The following INTS9 variants were observed in gnomAD, a reference collection of about 807,000 sequenced individuals.
INTS9 encodes the protein integrator complex subunit 9.
A neutral mutation model predicts 79.7 loss-of-function variants in INTS9; 55 were observed. The observed-to-expected ratio is 0.69, with a 90% CI of 0.56 to 0.86. INTS9 has a LOEUF of 0.86. Among genes scored for constraint, INTS9 ranks in the 40% least tolerant of loss-of-function variants. The pLI, the probability that INTS9 is intolerant of heterozygous loss-of-function variation, is 0.00. For synonymous variants in INTS9, 319 were observed against 325.2 expected (o/e 0.98, Z 0.20); for missense variants, 721 against 831.5 (o/e 0.87, Z 1.64).
At chr8:28,769,322 C>G (rs1251094378) in intron 16 of INTS9, among the ~76,000 whole-genome samples, 2 of 152,232 alleles carry the variant, frequency 1.3e-5, no homozygotes, top group Admixed American at 1.3e-4. Context: ...ATCAAAGATT[C>G]TATAATCCTA....
intron 9 of INTS9, among the ~76,000 whole-genome samples, chr8:28,796,167 G>A (rs1205767345): frequency 2.0e-5 from 3 of 152,054 alleles, no homozygotes; most frequent in Non-Finnish European, 4.4e-5. Flanking sequence ...GAAATTAGCC[G>A]GGTGTGTTGG....
intron 9 of INTS9, among the ~76,000 whole-genome samples, chr8:28,796,193 C>T (rs147564310): frequency 2.6e-4 from 39 of 152,200 alleles, no homozygotes; most frequent in Middle Eastern, 3.4e-3. Flanking sequence ...GCCTGTAGTC[C>T]CAGCTACTCA....
At chr8:28,823,866 A>G (rs1805995592) in intron 6 of INTS9, among the ~76,000 whole-genome samples, 1 of 152,228 alleles carries the variant, frequency 6.6e-6, no homozygotes, top group Admixed American at 6.5e-5. Context: ...ACACTGAATT[A>G]AGATTTAACC....
rs10106906 is a variant in INTS9 at position 28,768,070 on chromosome 8, G to C, written c.*76C>G. 6,675 of 1,370,662 alleles carry C rather than the reference G, an allele frequency of 4.9e-3. 222 individuals carry two copies. In the African/African-American group the frequency reaches 0.072, roughly 15 times the overall value. The allele number at this position is 1,370,662 out of a possible 1,614,324, so 84.9% of individuals were successfully genotyped here. A position where few individuals can be genotyped will look rare whatever the true frequency, so the allele number is the denominator to read the frequency against. ...AAAGACACAGTTAATGGCCTCTCAT[G>C]CCACTCCTCAGGTGGCTTGTGAGGG... On this transcript the variant is annotated 3_prime_UTR_variant, in exon 17 of 17. Coordinates refer to ENST00000521022, the MANE Select transcript of INTS9 (RefSeq NM_018250.4).
intron 6 of INTS9, among the ~76,000 whole-genome samples, chr8:28,814,316 A>G (rs1022820240): frequency 7.3e-6 from 1 of 136,520 alleles, no homozygotes; most frequent in Non-Finnish European, 1.7e-5. Context: ...ACACACACAC[A>G]CACACACACA....
Position 28,775,790 on chromosome 8 carries a change from C to T in INTS9, c.1532G>A (p.Arg511His), listed in dbSNP as rs777789213. The T allele has an allele frequency of 7.4e-6, 12 of 1,613,918 alleles. No homozygotes were observed. Among genetic ancestry groups the T allele is most frequent in the South Asian group, 2.2e-5 (2 of 91,074 alleles). ...CATGATCTCGATCTTCTCGTACCGA[C>T]GTTTGAAGGGCAGGGCGAGAACCTC... Reference protein sequence around the residue: ...RAEVLALPFKRRYEKIEIMPE... With the variant: ...RAEVLALPFKHRYEKIEIMPE... Residue 511 changes from arginine to histidine, a missense_variant, in exon 14 of 17, where the codon CGT becomes CAT. Arg to His is a conservative substitution (Grantham distance 29, BLOSUM62 0). Around this residue, in one of 3 missense-constraint regions of INTS9, gnomAD observed 281 missense variants for 300.8 expected, o/e 0.93. Coordinates refer to ENST00000521022, the MANE Select transcript of INTS9 (RefSeq NM_018250.4).
chr8:28,837,601 G>C, intron 5 of INTS9, 36 bp downstream of exon 5: 1 of 1,602,586 alleles, frequency 6.2e-7, no homozygotes, highest in Non-Finnish European at 8.5e-7. Flanking sequence ...GAGCTCCGCA[G>C]TCACATCCTA....
intron 8 of INTS9, among the ~76,000 whole-genome samples, chr8:28,802,403 C>A (rs535115531): frequency 6.6e-6 from 1 of 152,302 alleles, no homozygotes; most frequent in East Asian, 1.9e-4. Context: ...CCTGTGGAAT[C>A]CTTGCTTTCA....
intron 1 of INTS9, among the ~76,000 whole-genome samples, chr8:28,860,728 C>T (rs1223773487): frequency 1.3e-5 from 2 of 152,340 alleles, no homozygotes; most frequent in Middle Eastern, 3.4e-3. Flanking sequence ...ATCCGCCCGC[C>T]TCCTTGGCCT....
At chr8:28,808,272 C>T (rs1004900459) in intron 8 of INTS9, among the ~76,000 whole-genome samples, 41 of 150,946 alleles carry the variant, frequency 2.7e-4, no homozygotes, top group African/African-American at 9.8e-4. Flanking sequence ...CGGCTCACTG[C>T]AACCTCCACC....
At chr8:28,776,126 G>A (rs1802863763) in intron 13 of INTS9, 200 bp from the exon 14 acceptor site, 4 of 457,638 alleles carry the variant, frequency 8.7e-6, no homozygotes, top group African/African-American at 2.0e-5. Flanking sequence ...GAAACATCTC[G>A]GAAACCCCTA....
intron 8 of INTS9, chr8:28,810,038 T>C (rs1224615073): frequency 1.3e-5 from 2 of 152,232 alleles, no homozygotes; most frequent in Non-Finnish European, 2.9e-5. Context: ...CATAAATATA[T>C]ACAATTTTTA....
chr8:28,809,408 A>G (rs1016886094), intron 8 of INTS9, among the ~76,000 whole-genome samples: 14 of 152,204 alleles, frequency 9.2e-5, no homozygotes, highest in African/African-American at 3.1e-4. Context: ...AAGTTTTTCA[A>G]ACCAAAACTT....
chr8:28,830,481 G>C (rs938720323), intron 6 of INTS9, among the ~76,000 whole-genome samples: 1 of 151,690 alleles, frequency 6.6e-6, no homozygotes, highest in Non-Finnish European at 1.5e-5. Context: ...AAAAATTAGC[G>C]GGCATGGTGG....
intron 1 of INTS9, among the ~76,000 whole-genome samples, chr8:28,882,469 A>AT (rs1485355464): frequency 5.4e-5 from 8 of 147,000 alleles, no homozygotes; most frequent in African/African-American, 2.0e-4. Context: ...AAAAAAAAAA[A>AT]AAATAGAAAT....
intron 10 of INTS9, among the ~76,000 whole-genome samples, chr8:28,789,582 T>C (rs1238302491): frequency 6.6e-6 from 1 of 152,160 alleles, no homozygotes; most frequent in Admixed American, 6.5e-5. Flanking sequence ...TACCGCACAC[T>C]CTTCCACTGC....
At chr8:28,865,281 G>A (rs1808677084) in intron 1 of INTS9, among the ~76,000 whole-genome samples, 1 of 151,674 alleles carries the variant, frequency 6.6e-6, no homozygotes, top group Non-Finnish European at 1.5e-5. Context: ...ATTAGACAAT[G>A]ATTCACTGAA....
chr8:28,848,698 C>T (rs1348214009), intron 3 of INTS9, among the ~76,000 whole-genome samples: 4 of 152,286 alleles, frequency 2.6e-5, no homozygotes, highest in African/African-American at 9.6e-5. Context: ...ATCTTCTTCC[C>T]CATAATGCTA....
At chr8:28,837,505 T>A in intron 5 of INTS9, 132 bp downstream of exon 5, 1 of 904,654 alleles carries the variant, frequency 1.1e-6, no homozygotes, top group Admixed American at 2.9e-5. Context: ...AGTCGCTTAC[T>A]CCTGCCTGTT....
Sources: gnomAD v4.1 joint callset for allele counts (sites outside exome capture counted in the v4.1 genomes callset) on GRCh38, gnomAD v4.1.1 for gene constraint, gnomAD v4.1.1 regional missense constraint, MANE v1.5 for transcripts, NCBI Gene and HGNC (gene_info 2026-07-23, HGNC 2026-07-21) for gene names.